The following CNR2 variants were observed in gnomAD, a reference collection of about 807,000 sequenced individuals.
CNR2 encodes the protein cannabinoid receptor 2 (macrophage).
For synonymous variants in CNR2, 172 were observed against 182.2 expected, an observed-to-expected ratio of 0.94 and a Z score of 0.45; for missense variants, 379 against 439.9, an observed-to-expected ratio of 0.86 and a Z score of 1.24.
chr1:23,904,556 T>C (rs532300034), intron 1 of CNR2, among the ~76,000 whole-genome samples: 6 of 152,322 alleles, frequency 3.9e-5, no homozygotes, highest in African/African-American at 1.4e-4. Flanking sequence ...TTTGATGCTC[T>C]GTGATATTAC....
intron 1 of CNR2, among the ~76,000 whole-genome samples, chr1:23,890,980 G>C (rs1640180988): frequency 6.6e-6 from 1 of 150,604 alleles, no homozygotes; most frequent in Non-Finnish European, 1.5e-5. Flanking sequence ...CCAGGTTCAA[G>C]CAATTCTTGT....
At chr1:23,887,628 C>A (rs1482876354) in intron 1 of CNR2, among the ~76,000 whole-genome samples, 1 of 152,160 alleles carries the variant, frequency 6.6e-6, no homozygotes, top group Non-Finnish European at 1.5e-5. Context: ...AGCTATAAAT[C>A]CCTTTTGGAG....
At position 23,913,283 on chromosome 1, in the gene CNR2, G is replaced by A; in HGVS notation, c.-83C>T. The A allele has an allele frequency of 6.5e-6, 1 of 153,562 alleles. No individual in the cohort carries two copies. Among genetic ancestry groups the A allele is most frequent in the Non-Finnish European group, 1.5e-5 (1 of 68,778 alleles). The allele number at this position is 153,562 out of a possible 1,614,324, so 9.5% of individuals were successfully genotyped here. On this transcript the variant is annotated 5_prime_UTR_variant, in exon 1 of 2. Coordinates refer to ENST00000374472, the MANE Select transcript of CNR2 (RefSeq NM_001841.3). ...GGTGGCTGGGCACTGGGAGCTGCCG[G>A]GGGCTGAGGAGTCCCAGTTGTTTTC...
intron 1 of CNR2, among the ~76,000 whole-genome samples, chr1:23,890,274 A>G (rs1640163662): frequency 7.4e-6 from 1 of 135,514 alleles, no homozygotes; most frequent in Non-Finnish European, 1.5e-5. Flanking sequence ...AAAAAAAAAA[A>G]GAAAAGAAAA....
rs1228933819 is a variant in CNR2, at chr1:23,874,073, C to T, written c.*462G>A. 6.1e-6 allele frequency: 1 copy of T among 163,190 alleles called. No individual in the cohort carries two copies. Among genetic ancestry groups the T allele is most frequent in the African/African-American group, 2.4e-5 (1 of 41,652 alleles). The allele number at this position is 163,190 out of a possible 1,614,324, so 10.1% of individuals were successfully genotyped here. A position where few individuals can be genotyped will look rare whatever the true frequency, so the allele number is the denominator to read the frequency against. ...GGCAAGGGTGACTTGAAAGTGGGGC[C>T]TTTCATAGCTCCAGAGCCAAGGAGG... On this transcript the variant is annotated 3_prime_UTR_variant, in exon 2 of 2. Coordinates refer to ENST00000374472, the MANE Select transcript of CNR2 (RefSeq NM_001841.3).
At chr1:23,908,266 A>ACCGTGCTGGGATTACAGGCATGAGCCT (rs1640531193) in intron 1 of CNR2, among the ~76,000 whole-genome samples, 1 of 152,076 alleles carries the variant, frequency 6.6e-6, no homozygotes, top group Non-Finnish European at 1.5e-5. Flanking sequence ...GGCATGAGCC[A>ACCGTGCTGGGATTACAGGCATGAGCCT]CCGTGCCTGG....
chr1:23,884,770 AC>A (rs1375261366), intron 1 of CNR2, among the ~76,000 whole-genome samples: 3 of 151,932 alleles, frequency 2.0e-5, no homozygotes, highest in African/African-American at 7.3e-5. Context: ...GTGGCTCAGC[AC>A]AATGCTTGCT....
Position 23,874,469 on chromosome 1 carries a change from CCTCT to C in CNR2, c.*62_*65del. The C allele has an allele frequency of 6.6e-7, 1 of 1,508,140 alleles. No individual in the cohort carries two copies. Among genetic ancestry groups the C allele is most frequent in the Non-Finnish European group, 9.0e-7 (1 of 1,116,928 alleles). The allele number at this position is 1,508,140 out of a possible 1,614,324, so 93.4% of individuals were successfully genotyped here. A position where few individuals can be genotyped will look rare whatever the true frequency, so the allele number is the denominator to read the frequency against. ...TAAGTAAGAAGAGAGTGCCAAGACC[CCTCT>C]CTCTCTTCCAGGGAGTGAACTGATT... On this transcript the variant is annotated 3_prime_UTR_variant, in exon 2 of 2. Coordinates refer to ENST00000374472, the MANE Select transcript of CNR2 (RefSeq NM_001841.3).
intron 1 of CNR2, among the ~76,000 whole-genome samples, chr1:23,900,621 C>T (rs1183498964): frequency 6.6e-6 from 1 of 151,858 alleles, no homozygotes; most frequent in Non-Finnish European, 1.5e-5. Context: ...ATTCTCTTGC[C>T]TCAGCCTCCC....
At chr1:23,878,228 G>A (rs186462175) in intron 1 of CNR2, among the ~76,000 whole-genome samples, 2 of 152,050 alleles carry the variant, frequency 1.3e-5, no homozygotes, top group Non-Finnish European at 2.9e-5. Flanking sequence ...TAGCTGGATG[G>A]TGGTGCATGC....
At chr1:23,894,990 T>C (rs3003326) in intron 1 of CNR2, among the ~76,000 whole-genome samples, 124,251 of 151,934 alleles carry the variant, frequency 0.82, 50,898 homozygotes, top group Admixed American at 0.84. Context: ...GAGGCTGAGG[T>C]GGGCGGATCA....
chr1:23,903,419 A>T (rs771173727), intron 1 of CNR2, among the ~76,000 whole-genome samples: 59 of 151,738 alleles, frequency 3.9e-4, no homozygotes, highest in Non-Finnish European at 6.8e-4. Context: ...TACAAATAAA[A>T]AAAAATTAGC....
intron 1 of CNR2, among the ~76,000 whole-genome samples, chr1:23,883,679 G>T (rs1640031376): frequency 6.6e-6 from 1 of 152,082 alleles, no homozygotes; most frequent in Non-Finnish European, 1.5e-5. Context: ...CAAAAAATTA[G>T]CCAGGCATGG....
At chr1:23,899,475 G>A (rs1001009321) in intron 1 of CNR2, among the ~76,000 whole-genome samples, 26 of 152,104 alleles carry the variant, frequency 1.7e-4, no homozygotes, top group African/African-American at 6.3e-4. Flanking sequence ...TTCTTGGCTG[G>A]GGACTAGATT....
chr1:23,874,034 C>T lies in CNR2; in HGVS notation c.*501G>A, dbSNP rs1130321. The T allele has an allele frequency of 0.63, 102,464 of 161,642 alleles. 32,968 individuals are homozygous for T. Among genetic ancestry groups the T allele is most frequent in the African/African-American group, 0.76 (31,490 of 41,640 alleles). 10.0% of individuals were successfully genotyped at this position (161,642 alleles called of 1,614,324 possible). A position where few individuals can be genotyped will look rare whatever the true frequency, so the allele number is the denominator to read the frequency against. ...ACCTTAATCCTCATCATAGCATAGT[C>T]CTCGGTCCTCAGTGGCAAGGGTGAC... On this transcript the variant is annotated 3_prime_UTR_variant, in exon 2 of 2. Coordinates refer to ENST00000374472, the MANE Select transcript of CNR2 (RefSeq NM_001841.3).
chr1:23,886,231 G>C (rs932185415), intron 1 of CNR2, among the ~76,000 whole-genome samples: 1 of 148,206 alleles, frequency 6.7e-6, no homozygotes, highest in African/African-American at 2.5e-5. Flanking sequence ...TGCATTATAA[G>C]AGCTCAATAA....
At chr1:23,881,259 G>T (rs1249367373) in intron 1 of CNR2, among the ~76,000 whole-genome samples, 2 of 151,738 alleles carry the variant, frequency 1.3e-5, no homozygotes, top group African/African-American at 4.8e-5. Context: ...CTGGGTGACA[G>T]AGTGAGACTC....
chr1:23,890,845 C>T (rs533368324), intron 1 of CNR2, among the ~76,000 whole-genome samples: 273 of 150,496 alleles, frequency 1.8e-3, no homozygotes, highest in African/African-American at 5.5e-3. Flanking sequence ...TTTCCTTCCA[C>T]GTTTCTTCTC....
chr1:23,912,200 T>G (rs1640599087), intron 1 of CNR2, among the ~76,000 whole-genome samples: 1 of 152,180 alleles, frequency 6.6e-6, no homozygotes, highest in African/African-American at 2.4e-5. Flanking sequence ...GAGCTACCAG[T>G]GGCAGAGCTG....
Sources: allele counts gnomAD v4.1 joint callset (sites outside exome capture counted in the v4.1 genomes callset), GRCh38; gene constraint gnomAD v4.1.1; transcripts MANE v1.5; gene names NCBI Gene and HGNC (gene_info 2026-07-23, HGNC 2026-07-21).